MAD1L1: variants seen among roughly 807,000 people sequenced by gnomAD.
The protein encoded by MAD1L1 is mitotic spindle assembly checkpoint protein MAD1.
Under a neutral mutation model 96.9 loss-of-function variants are expected in MAD1L1, and 95 were observed. The observed-to-expected ratio is 0.98, with a 90% CI of 0.83 to 1.16. The LOEUF is 1.16. Ranked by LOEUF, MAD1L1 falls within the 50% of genes most tolerant of loss-of-function variation. MAD1L1 has a pLI of 0.00. For missense variants in MAD1L1, 1,007 were observed against 954.4 expected (o/e 1.06, Z -0.73); for synonymous variants, 473 against 396.6 (o/e 1.19, Z -2.29).
At chr7:2,074,062 G>A (rs1165001456) in intron 11 of MAD1L1, among the ~76,000 whole-genome samples, 1 of 152,196 alleles carries the variant, frequency 6.6e-6, no homozygotes, top group East Asian at 1.9e-4. Context: ...CCATGTCCGG[G>A]ATGTTTGCCA....
At chr7:2,058,858 CAG>C (rs1279573191) in intron 12 of MAD1L1, among the ~76,000 whole-genome samples, 3 of 83,552 alleles carry the variant, frequency 3.6e-5, no homozygotes, top group Non-Finnish European at 7.2e-5. Flanking sequence ...GGAGTGTGGC[CAG>C]AGGAGAGGAG....
At chr7:1,886,597 G>C (rs550809229) in intron 18 of MAD1L1, among the ~76,000 whole-genome samples, 1 of 152,270 alleles carries the variant, frequency 6.6e-6, no homozygotes, top group Non-Finnish European at 1.5e-5. Context: ...GCAAACAGGC[G>C]TGTGGGCGTG....
chr7:1,874,387 C>A, intron 18 of MAD1L1: 1 of 383,668 alleles, frequency 2.6e-6, no homozygotes, highest in South Asian at 1.9e-5. Flanking sequence ...TGCAGCAGCA[C>A]CGGGACGGGG....
intron 12 of MAD1L1, among the ~76,000 whole-genome samples, chr7:2,040,362 C>A (rs887824826): frequency 6.6e-6 from 1 of 152,190 alleles, no homozygotes; most frequent in Non-Finnish European, 1.5e-5. Context: ...GTTGTGGCCC[C>A]ACCGGCACCG....
At chr7:2,147,826 C>T (rs1011521309) in intron 11 of MAD1L1, among the ~76,000 whole-genome samples, 2 of 152,354 alleles carry the variant, frequency 1.3e-5, no homozygotes, top group Non-Finnish European at 1.5e-5. Flanking sequence ...CATGCAGATG[C>T]GAATGTTCCC....
Position 2,216,022 on chromosome 7 carries a change from C to T in MAD1L1, c.810-23G>A, listed in dbSNP as rs758581893. 11 of 1,613,344 alleles carry T rather than the reference C, an allele frequency of 6.8e-6. No homozygotes were observed. In the South Asian group the frequency reaches 1.2e-4, roughly 18 times the overall value. On this transcript the variant is annotated intron_variant, in intron 8 of 18. Coordinates refer to ENST00000265854, the MANE Select transcript of MAD1L1 (RefSeq NM_001013836.2). ...TCCCTGGCAGTGCCACAAAGAGTCG[C>T]TCAAATAGCCACACACCCTAGGGAT...
chr7:2,083,306 CG>C (rs751109730), intron 11 of MAD1L1, among the ~76,000 whole-genome samples: 2 of 152,210 alleles, frequency 1.3e-5, no homozygotes, highest in Non-Finnish European at 2.9e-5. Context: ...CCGTGCCGGG[CG>C]GGGGGCTTGG....
chr7:1,946,843 CT>C (rs1001220750), intron 16 of MAD1L1, among the ~76,000 whole-genome samples: 6 of 152,236 alleles, frequency 3.9e-5, no homozygotes. Context: ...GGTGCGGGTG[CT>C]CCCGGGCTGC....
At chr7:1,831,727 G>A (rs1186535982) in intron 18 of MAD1L1, among the ~76,000 whole-genome samples, 1 of 152,208 alleles carries the variant, frequency 6.6e-6, no homozygotes, top group Non-Finnish European at 1.5e-5. Flanking sequence ...CGGTAAATGA[G>A]CTCTTGGGGC....
chr7:2,201,602 G>C (rs1194870746), intron 10 of MAD1L1, among the ~76,000 whole-genome samples: 2 of 152,198 alleles, frequency 1.3e-5, no homozygotes, highest in Non-Finnish European at 2.9e-5. Context: ...TTTAAAAAGA[G>C]ACCTATAAGT....
chr7:1,921,493 TTG>T (rs1277656696), intron 17 of MAD1L1, among the ~76,000 whole-genome samples: 1 of 152,070 alleles, frequency 6.6e-6, no homozygotes, highest in Non-Finnish European at 1.5e-5. Flanking sequence ...GCCTGGCGTT[TTG>T]TGTTTTTAGT....
At chr7:2,034,632 G>A (rs1351640434) in intron 12 of MAD1L1, among the ~76,000 whole-genome samples, 3 of 152,254 alleles carry the variant, frequency 2.0e-5, no homozygotes, top group Non-Finnish European at 2.9e-5. Flanking sequence ...CACAAGTGCA[G>A]GAAGCACACA....
At chr7:1,882,960 C>T (rs949402024) in intron 18 of MAD1L1, among the ~76,000 whole-genome samples, 2 of 131,688 alleles carry the variant, frequency 1.5e-5, no homozygotes, top group Non-Finnish European at 3.2e-5. Flanking sequence ...GTGTCACAAA[C>T]GACTCCAGGA....
chr7:2,101,534 G>T (rs1786780450), intron 11 of MAD1L1, among the ~76,000 whole-genome samples: 1 of 149,364 alleles, frequency 6.7e-6, no homozygotes, highest in Middle Eastern at 3.5e-3. Flanking sequence ...ACTCCTAAAG[G>T]GTCTCCATCC....
At chr7:2,118,174 C>T (rs542763054) in intron 11 of MAD1L1, among the ~76,000 whole-genome samples, 3 of 152,334 alleles carry the variant, frequency 2.0e-5, no homozygotes, top group African/African-American at 7.2e-5. Context: ...ATGCCGGACG[C>T]TGTGCTGCCA....
chr7:2,217,868 C>T (rs1307897890), intron 7 of MAD1L1, 94 bp downstream of exon 7: 5 of 1,053,320 alleles, frequency 4.7e-6, no homozygotes, highest in Admixed American at 3.5e-5. Flanking sequence ...AGAAGGACCA[C>T]GGAGCTCGGC....
chr7:2,104,970 G>A (rs974226076), intron 11 of MAD1L1, among the ~76,000 whole-genome samples: 11 of 152,190 alleles, frequency 7.2e-5, no homozygotes, highest in African/African-American at 1.2e-4. Context: ...GTTAAAACAC[G>A]AAGGGAACTA....
intron 12 of MAD1L1, among the ~76,000 whole-genome samples, chr7:2,063,901 G>C (rs1281055931): frequency 6.6e-6 from 1 of 152,214 alleles, no homozygotes; most frequent in African/African-American, 2.4e-5. Context: ...CAGAGGAGAA[G>C]AGACACAGTC....
chr7:1,855,278 C>A (rs936253482), intron 18 of MAD1L1, among the ~76,000 whole-genome samples: 12 of 152,022 alleles, frequency 7.9e-5, no homozygotes, highest in African/African-American at 2.9e-4. Context: ...CCCTATCAAA[C>A]GGTTGCGGGC....
Sources: allele counts gnomAD v4.1 joint callset (sites outside exome capture counted in the v4.1 genomes callset), GRCh38; gene constraint gnomAD v4.1.1; transcripts MANE v1.5; gene names NCBI Gene and HGNC (gene_info 2026-07-23, HGNC 2026-07-21).